The following IQCJ variants were observed in gnomAD, a reference collection of about 807,000 sequenced individuals.
The protein encoded by IQCJ is IQ domain-containing protein J.
Under a neutral mutation model 11.0 loss-of-function variants are expected in IQCJ, and 9 were observed. That is an observed-to-expected ratio of 0.82 (90% CI 0.49 to 1.43). IQCJ has a LOEUF of 1.43. Ranked by LOEUF, IQCJ falls within the 40% of genes most tolerant of loss-of-function variation. The probability of loss-of-function intolerance (pLI) is 0.00; values close to 1 mark genes in which losing one functional copy is unlikely to be tolerated. For missense variants in IQCJ, 146 were observed against 133.2 expected (o/e 1.10, Z -0.47); for synonymous variants, 55 against 51.3 (o/e 1.07, Z -0.31).
intron 1 of IQCJ, among the ~76,000 whole-genome samples, chr3:159,105,944 A>C (rs1229969294): frequency 6.6e-6 from 1 of 152,198 alleles, no homozygotes; most frequent in Non-Finnish European, 1.5e-5. Context: ...AGTTTGGCTG[A>C]TAAGGGAAAA....
chr3:159,216,428 C>A (rs940160970), intron 1 of IQCJ, among the ~76,000 whole-genome samples: 1 of 152,102 alleles, frequency 6.6e-6, no homozygotes, highest in Non-Finnish European at 1.5e-5. Flanking sequence ...GGCTGCTTCC[C>A]CTTAGGTCCT....
At chr3:159,134,890 C>A (rs1354857951) in intron 1 of IQCJ, among the ~76,000 whole-genome samples, 3 of 152,172 alleles carry the variant, frequency 2.0e-5, no homozygotes, top group African/African-American at 7.2e-5. Context: ...ATAAAACATG[C>A]AACATTATGT....
At chr3:159,128,733 C>G (rs890456160) in intron 1 of IQCJ, among the ~76,000 whole-genome samples, 3 of 151,856 alleles carry the variant, frequency 2.0e-5, no homozygotes, top group Non-Finnish European at 4.4e-5. Context: ...ATCACCCTTC[C>G]CTTTCCCAAA....
intron 1 of IQCJ, among the ~76,000 whole-genome samples, chr3:159,228,868 CTATT>C (rs555219409): frequency 1.8e-3 from 270 of 152,014 alleles, no homozygotes; most frequent in Middle Eastern, 0.017. Context: ...ATGGGTATCT[CTATT>C]TAAGAAAATT....
intron 1 of IQCJ, among the ~76,000 whole-genome samples, chr3:159,158,863 A>G (rs1179440155): frequency 6.6e-6 from 1 of 152,202 alleles, no homozygotes; most frequent in Non-Finnish European, 1.5e-5. Flanking sequence ...TAAAATTTAT[A>G]CTTGGAATCT....
chr3:159,243,788 A>G (rs1178110302), intron 1 of IQCJ, among the ~76,000 whole-genome samples: 1 of 152,214 alleles, frequency 6.6e-6, no homozygotes, highest in African/African-American at 2.4e-5. Context: ...CCCAGGTACT[A>G]CAAGACCACT....
intron 1 of IQCJ, among the ~76,000 whole-genome samples, chr3:159,174,057 C>G (rs1334520213): frequency 2.0e-5 from 3 of 152,050 alleles, no homozygotes; most frequent in Non-Finnish European, 1.5e-5. Flanking sequence ...AATGTTATCT[C>G]ATAACATTTA....
intron 1 of IQCJ, among the ~76,000 whole-genome samples, chr3:159,085,553 A>G (rs569428088): frequency 1.4e-3 from 208 of 147,032 alleles, no homozygotes; most frequent in African/African-American, 5.2e-3. Context: ...AAGTGTTCCT[A>G]TTTCTCCACA....
At position 159,246,476 on chromosome 3, in the gene IQCJ, G is replaced by A. The variant is rs574803586; in HGVS notation, c.74+569G>A. On this transcript the variant is annotated intron_variant, in intron 2 of 3. Coordinates refer to ENST00000397832, the MANE Select transcript of IQCJ (RefSeq NM_001042706.3). ...GGATGAGGAAAAACAGGCTCAGCGA[G>A]GTTTCAGCAACTCCATGTATACTCA... is the stretch of plus-strand genomic sequence containing the variant. Among the ~76,000 whole-genome samples the A allele has an allele frequency of 3.9e-5, 6 of 152,248 alleles. No homozygotes were observed. In the East Asian group the frequency reaches 1.2e-3, roughly 29 times the overall value.
intron 1 of IQCJ, among the ~76,000 whole-genome samples, chr3:159,155,793 A>G (rs1721486289): frequency 6.6e-6 from 1 of 152,192 alleles, no homozygotes; most frequent in African/African-American, 2.4e-5. Context: ...AAATTCTAGA[A>G]AAAAAGGTAA....
At chr3:159,186,743 T>C (rs1229155213) in intron 1 of IQCJ, among the ~76,000 whole-genome samples, 2 of 152,260 alleles carry the variant, frequency 1.3e-5, no homozygotes, top group Non-Finnish European at 2.9e-5. Context: ...TTGCTTCCTG[T>C]CTAGCAAGGT....
chr3:159,134,272 C>CA, intron 1 of IQCJ, among the ~76,000 whole-genome samples: 1 of 152,194 alleles, frequency 6.6e-6, no homozygotes, highest in Non-Finnish European at 1.5e-5. Flanking sequence ...TACTAAAACA[C>CA]AATTATGGGA....
At chr3:159,079,822 C>A (rs1483729158) in intron 1 of IQCJ, among the ~76,000 whole-genome samples, 2 of 151,886 alleles carry the variant, frequency 1.3e-5, no homozygotes, top group Non-Finnish European at 2.9e-5. Flanking sequence ...TTTCTTCCTG[C>A]AAGAAAAATT....
At chr3:159,234,075 G>A (rs185218197) in intron 1 of IQCJ, among the ~76,000 whole-genome samples, 1 of 152,302 alleles carries the variant, frequency 6.6e-6, no homozygotes, top group East Asian at 1.9e-4. Context: ...GGAAAAGAGT[G>A]CAGATGATAC....
At chr3:159,127,463 T>C (rs914808474) in intron 1 of IQCJ, among the ~76,000 whole-genome samples, 1 of 152,234 alleles carries the variant, frequency 6.6e-6, no homozygotes, top group African/African-American at 2.4e-5. Context: ...TGGTACAAAG[T>C]AAGAGCTCAG....
intron 1 of IQCJ, among the ~76,000 whole-genome samples, chr3:159,187,246 A>G (rs1172186868): frequency 3.3e-5 from 5 of 152,250 alleles, no homozygotes; most frequent in African/African-American, 1.2e-4. Context: ...TCTGAGGCCC[A>G]TAAAGGGCCA....
chr3:159,197,705 A>G (rs968559420), intron 1 of IQCJ, among the ~76,000 whole-genome samples: 2 of 152,022 alleles, frequency 1.3e-5, no homozygotes, highest in Non-Finnish European at 2.9e-5. Flanking sequence ...GAGTATGGGG[A>G]TTAAGAGAGA....
At chr3:159,244,408 G>T (rs1021128105) in intron 1 of IQCJ, among the ~76,000 whole-genome samples, 11 of 152,080 alleles carry the variant, frequency 7.2e-5, no homozygotes, top group African/African-American at 2.7e-4. Context: ...TATGTAGCAC[G>T]TGGGGAAGAA....
At chr3:159,246,067 A>T (rs1727253819) in intron 2 of IQCJ, among the ~76,000 whole-genome samples, 160 bp downstream of exon 2, 1 of 152,192 alleles carries the variant, frequency 6.6e-6, no homozygotes, top group Non-Finnish European at 1.5e-5. Flanking sequence ...TAGGTAGATA[A>T]ATGTATGACT....
Sources: allele counts gnomAD v4.1 joint callset (sites outside exome capture counted in the v4.1 genomes callset), GRCh38; gene constraint gnomAD v4.1.1; transcripts MANE v1.5; gene names NCBI Gene and HGNC (gene_info 2026-07-23, HGNC 2026-07-21).